The following SLC6A17 variants were observed in gnomAD, a reference collection of about 807,000 sequenced individuals.
SLC6A17 encodes sodium-dependent neutral amino acid transporter SLC6A17.
SLC6A17 carries 21 observed loss-of-function variants against 64.5 expected under a neutral mutation model. The ratio of observed to expected loss-of-function variants is 0.33; its 90% CI spans 0.23 to 0.47. The LOEUF (loss-of-function observed/expected upper bound fraction) is 0.47, where lower values mean the gene tolerates loss of function less well. SLC6A17 is among the 20% of genes least tolerant of loss of function. SLC6A17 has a pLI of 1.00. For synonymous variants in SLC6A17, 372 were observed against 399.5 expected (o/e 0.93, Z 0.82); for missense variants, 682 against 963.2 (o/e 0.71, Z 3.86).
chr1:110,173,891 A>ACGAAAGAGAG, intron 3 of SLC6A17, 82 bp from the exon 4 acceptor site: 1 of 1,552,318 alleles, frequency 6.4e-7, no homozygotes. Context: ...GGCGCTGCCG[A>ACGAAAGAGAG]CGTGCTGGGC....
In SLC6A17 at chr1:110,192,366, C is replaced by T. The variant is rs994468860; in HGVS notation, c.1107-140C>T. Reference sequence around the variant, plus strand: ...GAGGAGCACTCTCTGTCCCCAGCTCCGGGCCACAGGGACAAGCTCAGAGAT... The same window carrying T: ...GAGGAGCACTCTCTGTCCCCAGCTCTGGGCCACAGGGACAAGCTCAGAGAT... On this transcript the variant is annotated intron_variant, in intron 7 of 11. Transcript: ENST00000331565. The surrounding 1 kb of genome is among the most constrained non-coding windows in gnomAD (Gnocchi z 4.3). 8.7e-5 allele frequency: 126 copies of T among 1,448,828 alleles called. No individual in the cohort carries two copies. The highest frequency in any genetic ancestry group is 4.5e-4 in the South Asian group (33 of 73,264). The allele number at this position is 1,448,828 out of a possible 1,614,324, so 89.7% of individuals were successfully genotyped here. A position where few individuals can be genotyped will look rare whatever the true frequency, so the allele number is the denominator to read the frequency against.
intron 1 of SLC6A17, among the ~76,000 whole-genome samples, chr1:110,155,186 C>T (rs1008802906): frequency 2.6e-5 from 4 of 152,272 alleles, no homozygotes; most frequent in Non-Finnish European, 5.9e-5. Flanking sequence ...TGGCAGTGGA[C>T]GAAAAGGACT....
chr1:110,173,894 T>A, intron 3 of SLC6A17, 79 bp from the exon 4 acceptor site: 64 of 1,508,588 alleles, frequency 4.2e-5, no homozygotes, highest in Admixed American at 2.7e-4. Context: ...GCTGCCGACG[T>A]GCTGGGCCTC....
intron 6 of SLC6A17, among the ~76,000 whole-genome samples, chr1:110,182,649 C>A (rs1311934818): frequency 6.6e-6 from 1 of 151,334 alleles, no homozygotes; most frequent in Admixed American, 6.6e-5. Context: ...GGCCGACAGA[C>A]AAACAGACAT....
chr1:110,170,464 A>G (rs1304748936), intron 2 of SLC6A17, among the ~76,000 whole-genome samples: 1 of 152,192 alleles, frequency 6.6e-6, no homozygotes, highest in African/African-American at 2.4e-5. Flanking sequence ...AGCCTGGGCA[A>G]CAGAGCAAGA....
chr1:110,167,640 A>G (rs1279460734), intron 2 of SLC6A17, among the ~76,000 whole-genome samples: 1 of 152,228 alleles, frequency 6.6e-6, no homozygotes, highest in Non-Finnish European at 1.5e-5. Flanking sequence ...CTAAATGCTT[A>G]TGAGGTACTA....
rs1014792917 is a variant in SLC6A17 at position 110,200,745 on chromosome 1, G to C, written c.*2301G>C. 6.6e-6 allele frequency: 1 copy of C among 152,570 alleles called. No homozygotes were observed. The highest frequency in any genetic ancestry group is 6.5e-5 in the Admixed American group (1 of 15,288). 9.5% of individuals were successfully genotyped at this position (152,570 alleles called of 1,614,324 possible). On this transcript the variant is annotated 3_prime_UTR_variant, in exon 12 of 12. Coordinates refer to ENST00000331565, the MANE Select transcript of SLC6A17 (RefSeq NM_001010898.4). ...TGTAGCCTTTTGCTGTGTCTTCGCT[G>C]TGTGTTAGACGTAGGGCCTAGAGCT...
intron 1 of SLC6A17, among the ~76,000 whole-genome samples, chr1:110,164,146 C>T (rs1398534990): frequency 6.6e-6 from 1 of 152,216 alleles, no homozygotes; most frequent in Admixed American, 6.5e-5. Context: ...AGAACAGAGG[C>T]TGGCATATAG....
rs572739988 is a variant in SLC6A17, at chr1:110,169,618, C to T, written c.286+2403C>T. Among the ~76,000 whole-genome samples, 61 of 152,072 alleles carry T rather than the reference C, an allele frequency of 4.0e-4. 1 individual carries two copies. In the South Asian group the frequency reaches 0.011, roughly 28 times the overall value. On this transcript the variant is annotated intron_variant, in intron 2 of 11. Transcript: ENST00000331565. ...CAGAAGTAAGGCTTAGAATACTGAC[C>T]GAGGCATAGATGATTAGAGATCCAG...
chr1:110,177,544 T>G (rs1656406785), intron 6 of SLC6A17: 1 of 152,272 alleles, frequency 6.6e-6, no homozygotes, highest in East Asian at 1.9e-4. Flanking sequence ...CAAATGCAGA[T>G]TGGCACTCCC....
chr1:110,157,445 C>T (rs1451078293), intron 1 of SLC6A17, among the ~76,000 whole-genome samples: 7 of 152,048 alleles, frequency 4.6e-5, no homozygotes, highest in Admixed American at 2.6e-4. Flanking sequence ...TGCTGGCATG[C>T]GCCTGTAATC....
At chr1:110,182,776 GGGGTCACTAGTGACC>G (rs1341713417) in intron 6 of SLC6A17, among the ~76,000 whole-genome samples, 1 of 152,112 alleles carries the variant, frequency 6.6e-6, no homozygotes, top group Non-Finnish European at 1.5e-5. Context: ...TGGCAACAGA[GGGGTCACTAGTGACC>G]TCAACAAGGG....
In SLC6A17 at chr1:110,151,561, G is replaced by T. The variant is rs572421855; in HGVS notation, c.-88+678G>T. Among the ~76,000 whole-genome samples the T allele has an allele frequency of 2.8e-4, 43 of 152,342 alleles. 1 individual carries two copies. The South Asian group carries it at 8.9e-3, about 32-fold the overall frequency. On this transcript the variant is annotated intron_variant, in intron 1 of 11. Transcript: ENST00000331565. Reference sequence around the variant, plus strand: ...CCTGGCGGGTCGAGAGGCCTCTGCTGCATTTATGCCTGTGTGCGCCGTGCT... The same window carrying T: ...CCTGGCGGGTCGAGAGGCCTCTGCTTCATTTATGCCTGTGTGCGCCGTGCT...
At chr1:110,182,312 G>A (rs1214792661) in intron 6 of SLC6A17, among the ~76,000 whole-genome samples, 2 of 152,214 alleles carry the variant, frequency 1.3e-5, no homozygotes, top group Non-Finnish European at 2.9e-5. Flanking sequence ...GGAAGACAGT[G>A]GAGGGAACAG....
chr1:110,197,528 G>A lies in SLC6A17; in HGVS notation c.1744G>A (p.Val582Met). The A allele has an allele frequency of 6.2e-7, 1 of 1,613,702 alleles. No individual in the cohort carries two copies. The highest frequency in any genetic ancestry group is 8.5e-7 in the Non-Finnish European group (1 of 1,179,912). ...WKFVSPLCMA[V>M]LTTASIIQLG... ...GTTCGTGTCTCCACTATGCATGGCTGTGCTCACCACAGCCAGCATCATCCA... is the reference window on the plus strand; with the variant it reads ...GTTCGTGTCTCCACTATGCATGGCTATGCTCACCACAGCCAGCATCATCCA... The change falls in exon 11 of 12, where the codon GTG becomes ATG. Residue 582 changes from valine (V) to methionine (M), a missense_variant. Physicochemically the swap from Val to Met is conservative, Grantham distance 21. Coordinates refer to ENST00000331565, the MANE Select transcript of SLC6A17 (RefSeq NM_001010898.4).
intron 1 of SLC6A17, among the ~76,000 whole-genome samples, chr1:110,152,412 A>G (rs1655634436): frequency 6.6e-6 from 1 of 152,256 alleles, no homozygotes; most frequent in Admixed American, 6.5e-5. Flanking sequence ...AGTCACACAC[A>G]GAGTCGTGTG....
intron 1 of SLC6A17, among the ~76,000 whole-genome samples, chr1:110,154,987 G>A (rs1393866961): frequency 1.3e-5 from 2 of 152,014 alleles, no homozygotes; most frequent in Non-Finnish European, 2.9e-5. Context: ...ACACGTGTCC[G>A]TGGCCGTTCT....
Position 110,198,234 on chromosome 1 carries a change from C to A in SLC6A17, c.1974C>A (p.Gly658=). Reference sequence around the variant, plus strand: ...CCCTCTCCGTGTCCTACAAGAAGGGCCGCATGATGAAGGACATCTCCAACC... The same window carrying A: ...CCCTCTCCGTGTCCTACAAGAAGGGACGCATGATGAAGGACATCTCCAACC... ...SNTLSVSYKK[G]RMMKDISNLE... Residue 658 remains glycine, a synonymous_variant, in exon 12 of 12, where the codon GGC becomes GGA. Transcript: ENST00000331565. The A allele has an allele frequency of 6.2e-7, 1 of 1,614,194 alleles. No individual in the cohort carries two copies. The highest frequency in any genetic ancestry group is 1.1e-5 in the South Asian group (1 of 91,082).
intron 3 of SLC6A17, among the ~76,000 whole-genome samples, chr1:110,172,777 G>A (rs1195204559): frequency 6.6e-6 from 1 of 152,232 alleles, no homozygotes; most frequent in African/African-American, 2.4e-5. Context: ...GGAGACGCCA[G>A]TGGCCCTGGA....
Sources: allele counts gnomAD v4.1 joint callset (sites outside exome capture counted in the v4.1 genomes callset), GRCh38; gene constraint gnomAD v4.1.1; non-coding constraint Gnocchi (gnomAD v3.1); transcripts MANE v1.5; gene names NCBI Gene and HGNC (gene_info 2026-07-23, HGNC 2026-07-21).